The following SP110 variants were observed in gnomAD, a reference collection of about 807,000 sequenced individuals.
SP110 encodes SP110 nuclear body protein.
Under a neutral mutation model 92.7 loss-of-function variants are expected in SP110, and 62 were observed. That is an observed-to-expected ratio of 0.67 (90% CI 0.55 to 0.83). The LOEUF (loss-of-function observed/expected upper bound fraction) is 0.83. Among genes scored for constraint, SP110 ranks in the 40% least tolerant of loss-of-function variants. The pLI is 0.00. For missense variants in SP110, 793 were observed against 863.9 expected (o/e 0.92, Z 1.03); for synonymous variants, 273 against 305.3 (o/e 0.89, Z 1.10).
upstream of SP110, among the ~76,000 whole-genome samples, chr2:230,222,648 C>T (rs1057281854): frequency 1.3e-5 from 2 of 151,088 alleles, no homozygotes; most frequent in Non-Finnish European, 2.9e-5. Context: ...TGCTTGAGCC[C>T]AGGAGGTCCA....
intron 8 of SP110, among the ~76,000 whole-genome samples, chr2:230,207,280 T>A (rs1248460038): frequency 1.3e-5 from 2 of 152,318 alleles, no homozygotes; most frequent in East Asian, 3.9e-4. Context: ...TTAGCTCTCT[T>A]AGCATTGCCT....
At chr2:230,223,639 A>G (rs1157258781), upstream of SP110, among the ~76,000 whole-genome samples, 2 of 152,226 alleles carry the variant, frequency 1.3e-5, no homozygotes. Context: ...GGGATTGGTT[A>G]TCTGACATAA....
chr2:230,173,192 G>A (rs899831060), intron 14 of SP110: 2 of 497,304 alleles, frequency 4.0e-6, no homozygotes, highest in African/African-American at 3.8e-5. Context: ...CTCTGGCTGT[G>A]GCTTGCCAAC....
chr2:230,182,922 T>A (rs2042191653), intron 12 of SP110, among the ~76,000 whole-genome samples: 1 of 152,198 alleles, frequency 6.6e-6, no homozygotes, highest in Non-Finnish European at 1.5e-5. Context: ...TACAAGCTCC[T>A]TATTCTTGTA....
chr2:230,196,310 A>T (rs974269452), intron 10 of SP110, among the ~76,000 whole-genome samples: 3 of 152,176 alleles, frequency 2.0e-5, no homozygotes, highest in Admixed American at 1.3e-4. Flanking sequence ...GTCCACTAGT[A>T]GGTGATTATT....
chr2:230,191,113 C>A (rs776815128), intron 10 of SP110, among the ~76,000 whole-genome samples: 15 of 151,802 alleles, frequency 9.9e-5, no homozygotes, highest in Non-Finnish European at 1.8e-4. Flanking sequence ...AGACAATATA[C>A]CAGAATCTCT....
At position 230,215,023 on chromosome 2, in the gene SP110, C is replaced by G; in HGVS notation, c.243G>C (p.Leu81=). 2.5e-6 allele frequency: 4 copies of G among 1,613,520 alleles called. No individual in the cohort carries two copies. The highest frequency in any genetic ancestry group is 3.4e-6 in the Non-Finnish European group (4 of 1,179,452). Residue 81 remains leucine (L), a synonymous_variant, in exon 3 of 19, where the codon CTG becomes CTC. Coordinates refer to ENST00000258381, the MANE Select transcript of SP110 (RefSeq NM_080424.4). ...GGTTAATTTGACTGAACAATGTCAC[C>G]AGAAGAGACAGGTTAAAAGTCCTCT... The part of the protein sequence containing the change: ...QLERTFNLSL[L]VTLFSQINLR...
intron 1 of SP110, among the ~76,000 whole-genome samples, chr2:230,217,985 C>T (rs1446832798): frequency 1.3e-5 from 2 of 152,248 alleles, no homozygotes; most frequent in African/African-American, 4.8e-5. Context: ...GACTTGTTCA[C>T]TGCAACCATT....
chr2:230,199,293 C>T (rs1225329227), intron 10 of SP110, among the ~76,000 whole-genome samples: 1 of 143,316 alleles, frequency 7.0e-6, no homozygotes, highest in Admixed American at 7.3e-5. Flanking sequence ...GCTGCAACCT[C>T]TGCCTCCTGG....
chr2:230,188,073 C>A (rs2042439618), intron 10 of SP110, among the ~76,000 whole-genome samples: 1 of 152,034 alleles, frequency 6.6e-6, no homozygotes, highest in African/African-American at 2.4e-5. Flanking sequence ...CTGTAGATTG[C>A]CTTGGGCAGT....
intron 8 of SP110, among the ~76,000 whole-genome samples, chr2:230,205,756 G>A (rs1220040184): frequency 1.3e-5 from 2 of 152,204 alleles, no homozygotes; most frequent in African/African-American, 4.8e-5. Context: ...AGTGTCAATG[G>A]GAGACTTGCA....
At chr2:230,193,185 T>C (rs1249649139) in intron 10 of SP110, among the ~76,000 whole-genome samples, 2 of 152,220 alleles carry the variant, frequency 1.3e-5, no homozygotes, top group African/African-American at 4.8e-5. Context: ...TGTTTACTTT[T>C]GGTTTCCATT....
Position 230,177,626 on chromosome 2 carries a change from T to C in SP110, c.1502A>G (p.Glu501Gly), listed in dbSNP as rs2041925691. The stretch of plus-strand genomic sequence containing the variant: ...CCTTCCTTTTCCTTCGACTTCAAAT[T>C]CATTTGGTGTTAACCAAGTTCCATC... ...NEDGTWLTPN[E>G]FEVEGKGRNA... The change falls in exon 14 of 19, where the codon GAA becomes GGA. Residue 501 changes from glutamate (E) to glycine (G), a missense_variant. Coordinates refer to ENST00000258381, the MANE Select transcript of SP110 (RefSeq NM_080424.4). The C allele has an allele frequency of 1.9e-6, 3 of 1,614,134 alleles. No individual in the cohort carries two copies. Among genetic ancestry groups the C allele is most frequent in the Non-Finnish European group, 2.5e-6 (3 of 1,179,958 alleles).
At chr2:230,212,605 G>T (rs988190517) in intron 4 of SP110, among the ~76,000 whole-genome samples, 156 bp downstream of exon 4, 1 of 152,204 alleles carries the variant, frequency 6.6e-6, no homozygotes, top group Non-Finnish European at 1.5e-5. Flanking sequence ...CCCCCCGGCA[G>T]TGCTCATAAT....
At position 230,208,078 on chromosome 2, in the gene SP110, GT is replaced by G; in HGVS notation, c.830-20del. ...TTCTTTCCTAAAAAGAAAGGATAAT[GT>G]TTTATAGTTACAAACATTGATCTCC... On this transcript the variant is annotated intron_variant, in intron 7 of 18. Coordinates refer to ENST00000258381, the MANE Select transcript of SP110 (RefSeq NM_080424.4). 1 of 1,344,228 alleles carries G rather than the reference GT, an allele frequency of 7.4e-7. No individual in the cohort carries two copies. Among genetic ancestry groups the G allele is most frequent in the Non-Finnish European group, 1.1e-6 (1 of 939,326 alleles). The allele number at this position is 1,344,228 out of a possible 1,614,324, so 83.3% of individuals were successfully genotyped here. A position where few individuals can be genotyped will look rare whatever the true frequency, so the allele number is the denominator to read the frequency against.
At chr2:230,185,314 T>C (rs1298347490) in intron 11 of SP110, among the ~76,000 whole-genome samples, 1 of 152,170 alleles carries the variant, frequency 6.6e-6, no homozygotes, top group African/African-American at 2.4e-5. Flanking sequence ...GGCAGGGCTG[T>C]AGACTTCTGA....
intron 10 of SP110, among the ~76,000 whole-genome samples, chr2:230,198,224 C>T (rs578131111): frequency 5.3e-5 from 8 of 152,250 alleles, no homozygotes; most frequent in South Asian, 2.1e-4. Flanking sequence ...CTTCCACAGG[C>T]GGGAAAAGAA....
intron 1 of SP110, 43 bp downstream of exon 1, chr2:230,219,831 G>A (rs1574817570): frequency 1.2e-6 from 1 of 825,348 alleles, no homozygotes; most frequent in East Asian, 1.2e-4. Flanking sequence ...AAGAGCTGCA[G>A]TCACCAAGAG....
intron 10 of SP110, among the ~76,000 whole-genome samples, chr2:230,194,056 G>A (rs1174915223): frequency 6.6e-6 from 1 of 152,128 alleles, no homozygotes; most frequent in African/African-American, 2.4e-5. Flanking sequence ...GGAAGAAGAG[G>A]CCAGGGAGGG....
Sources: allele counts gnomAD v4.1 joint callset (sites outside exome capture counted in the v4.1 genomes callset), GRCh38; gene constraint gnomAD v4.1.1; transcripts MANE v1.5; gene names NCBI Gene and HGNC (gene_info 2026-07-23, HGNC 2026-07-21).